The following ZFPM2 variants were observed in gnomAD, a reference collection of about 807,000 sequenced individuals.
The protein encoded by ZFPM2 is zinc finger protein, FOG family member 2.
ZFPM2 carries 20 observed loss-of-function variants against 98.6 expected under a neutral mutation model. The ratio of observed to expected loss-of-function variants is 0.20; its 90% CI spans 0.14 to 0.29. The LOEUF (loss-of-function observed/expected upper bound fraction) is 0.29. Ranked by LOEUF, ZFPM2 falls within the 10% of genes least tolerant of loss-of-function variation. The pLI is 1.00. For missense variants in ZFPM2, 1,310 were observed against 1,388.6 expected (o/e 0.94, Z 0.90); for synonymous variants, 518 against 502.7 (o/e 1.03, Z -0.41).
Position 105,714,610 on chromosome 8 carries a change from T to C in ZFPM2, c.533-74108T>C, listed in dbSNP as rs1323019746. 2.6e-5 allele frequency among the ~76,000 whole-genome samples: 4 copies of C among 152,062 alleles called. No homozygotes were observed. In the East Asian group the frequency reaches 7.7e-4, roughly 29 times the overall value. On this transcript the variant is annotated intron_variant, in intron 5 of 7. Coordinates refer to ENST00000407775, the MANE Select transcript of ZFPM2 (RefSeq NM_012082.4). Reference sequence around the variant, plus strand: ...TTTTAGTACACTTTACTATTATCTATGCTTTTTAGCTTATTTATAACTATT... The same window carrying C: ...TTTTAGTACACTTTACTATTATCTACGCTTTTTAGCTTATTTATAACTATT...
intron 5 of ZFPM2, among the ~76,000 whole-genome samples, chr8:105,641,945 C>A (rs1313121354): frequency 6.6e-6 from 1 of 151,850 alleles, no homozygotes; most frequent in African/African-American, 2.4e-5. Context: ...CGGTAGAAAC[C>A]CAGTTAGAAT....
chr8:105,761,656 G>T (rs922757436), intron 5 of ZFPM2, among the ~76,000 whole-genome samples: 2 of 151,794 alleles, frequency 1.3e-5, no homozygotes, highest in African/African-American at 4.8e-5. Flanking sequence ...TGACGCACGG[G>T]CTTGTCTCAA....
chr8:105,327,267 A>C (rs1812132310), intron 1 of ZFPM2, among the ~76,000 whole-genome samples: 1 of 151,672 alleles, frequency 6.6e-6, no homozygotes. Context: ...TATTTTTCAC[A>C]AAATTTGCAA....
intron 4 of ZFPM2, among the ~76,000 whole-genome samples, chr8:105,595,700 G>A (rs1433203835): frequency 6.6e-6 from 1 of 151,998 alleles, no homozygotes. Flanking sequence ...AAGAAATCTG[G>A]ATTTTATTCT....
chr8:105,679,453 A>G (rs1463132473), intron 5 of ZFPM2, among the ~76,000 whole-genome samples: 2 of 152,302 alleles, frequency 1.3e-5, no homozygotes, highest in South Asian at 2.1e-4. Flanking sequence ...TTTAGCTGCA[A>G]TGTGCTTAAC....
chr8:105,667,124 A>T (rs1278101471), intron 5 of ZFPM2, among the ~76,000 whole-genome samples: 2 of 152,200 alleles, frequency 1.3e-5, no homozygotes, highest in African/African-American at 4.8e-5. Flanking sequence ...TCTCAGAAAT[A>T]AATGAAAAGA....
intron 5 of ZFPM2, among the ~76,000 whole-genome samples, chr8:105,636,169 C>T (rs1816843607): frequency 6.6e-6 from 1 of 152,066 alleles, no homozygotes; most frequent in Non-Finnish European, 1.5e-5. Flanking sequence ...GATTTTGGAA[C>T]CATCTGAAAG....
At chr8:105,587,544 A>G (rs1815749595) in intron 4 of ZFPM2, among the ~76,000 whole-genome samples, 1 of 152,220 alleles carries the variant, frequency 6.6e-6, no homozygotes, top group South Asian at 2.1e-4. Flanking sequence ...CAAATGCTGA[A>G]TGCTCCTTAC....
At chr8:105,377,203 G>A (rs898209480) in intron 1 of ZFPM2, among the ~76,000 whole-genome samples, 2 of 152,130 alleles carry the variant, frequency 1.3e-5, no homozygotes, top group Non-Finnish European at 2.9e-5. Context: ...CTTACCAGAT[G>A]AAGTAAACAC....
intron 1 of ZFPM2, among the ~76,000 whole-genome samples, chr8:105,417,452 A>G (rs1165209660): frequency 6.6e-5 from 10 of 152,130 alleles, no homozygotes; most frequent in Admixed American, 6.6e-4. Flanking sequence ...CAAATGATAT[A>G]GCTCATGTCT....
chr8:105,572,057 A>G (rs1323672650), intron 4 of ZFPM2, among the ~76,000 whole-genome samples: 20 of 65,208 alleles, frequency 3.1e-4, no homozygotes, highest in African/African-American at 1.4e-3. Flanking sequence ...TTTTTTTTTG[A>G]GACGGAGTCT....
intron 5 of ZFPM2, among the ~76,000 whole-genome samples, chr8:105,652,167 A>T (rs1817192037): frequency 6.6e-6 from 1 of 151,298 alleles, no homozygotes; most frequent in African/African-American, 2.4e-5. Flanking sequence ...TTTACTGGTA[A>T]ATAGTAACAG....
chr8:105,691,853 A>G (rs2130939284), intron 5 of ZFPM2, among the ~76,000 whole-genome samples: 1 of 152,306 alleles, frequency 6.6e-6, no homozygotes, highest in East Asian at 1.9e-4. Flanking sequence ...TTTAGAGTTT[A>G]TCTCATACAA....
intron 2 of ZFPM2, among the ~76,000 whole-genome samples, chr8:105,436,856 G>A (rs1812130064): frequency 6.6e-6 from 1 of 152,214 alleles, no homozygotes; most frequent in South Asian, 2.1e-4. Context: ...TAGTGCTTAA[G>A]AGATGATAGC....
chr8:105,379,583 A>T (rs915129323), intron 1 of ZFPM2, among the ~76,000 whole-genome samples: 4 of 152,092 alleles, frequency 2.6e-5, no homozygotes, highest in Non-Finnish European at 4.4e-5. Flanking sequence ...GTGAAACCCC[A>T]TGTCTACGAA....
At chr8:105,728,362 T>C (rs1374854728) in intron 5 of ZFPM2, among the ~76,000 whole-genome samples, 8 of 151,766 alleles carry the variant, frequency 5.3e-5, no homozygotes, top group Non-Finnish European at 8.8e-5. Flanking sequence ...CAATTTATGC[T>C]ATGTACTTGT....
At chr8:105,514,974 G>A (rs1813890227) in intron 3 of ZFPM2, among the ~76,000 whole-genome samples, 1 of 152,180 alleles carries the variant, frequency 6.6e-6, no homozygotes, top group Non-Finnish European at 1.5e-5. Flanking sequence ...AATTAAGGCT[G>A]TGAATTAACT....
chr8:105,370,169 C>T (rs1810591070), intron 1 of ZFPM2, among the ~76,000 whole-genome samples: 1 of 151,996 alleles, frequency 6.6e-6, no homozygotes, highest in Admixed American at 6.6e-5. Flanking sequence ...CAGTGCAAAA[C>T]TGGCATAGCA....
Position 105,801,721 on chromosome 8 carries a change from G to T in ZFPM2, c.1639G>T (p.Gly547Trp). ...PVIYSPLMPK[G>W]ATCFECNITF... ...CATTTACAGCCCTTTGATGCCCAAGGGGGCTACTTGTTTTGAGTGTAACAT... is the reference window on the plus strand; with the variant it reads ...CATTTACAGCCCTTTGATGCCCAAGTGGGCTACTTGTTTTGAGTGTAACAT... Residue 547 changes from glycine (G) to tryptophan (W), a missense_variant, in exon 8 of 8, where the codon GGG becomes TGG. Coordinates refer to ENST00000407775, the MANE Select transcript of ZFPM2 (RefSeq NM_012082.4). 6.2e-7 allele frequency: 1 copy of T among 1,613,874 alleles called. No homozygotes were observed. The highest frequency in any genetic ancestry group is 8.5e-7 in the Non-Finnish European group (1 of 1,179,874).
Sources: allele counts gnomAD v4.1 joint callset (sites outside exome capture counted in the v4.1 genomes callset), GRCh38; gene constraint gnomAD v4.1.1; transcripts MANE v1.5; gene names NCBI Gene and HGNC (gene_info 2026-07-23, HGNC 2026-07-21).